Variants in AGMO observed in about 807,000 individuals in gnomAD.
The protein encoded by AGMO is glyceryl-ether monooxygenase.
AGMO carries 75 observed loss-of-function variants against 60.2 expected under a neutral mutation model. That is an observed-to-expected ratio of 1.25 (90% CI 1.03 to 1.51). The LOEUF (loss-of-function observed/expected upper bound fraction) is 1.51. Among genes scored for constraint, AGMO ranks in the 40% most tolerant of loss-of-function variants. The pLI, the probability that AGMO is intolerant of heterozygous loss-of-function variation, is 0.00. For missense variants in AGMO, 763 were observed against 525.5 expected, an observed-to-expected ratio of 1.45 and a Z score of -4.42; for synonymous variants, 261 against 177.1, an observed-to-expected ratio of 1.47 and a Z score of -3.76.
intron 12 of AGMO, among the ~76,000 whole-genome samples, chr7:15,285,115 C>A (rs1458298338): frequency 6.6e-6 from 1 of 151,920 alleles, no homozygotes; most frequent in Non-Finnish European, 1.5e-5. Flanking sequence ...GATCCACAGT[C>A]AATGTCATAC....
At chr7:15,326,159 T>C (rs1563088935) in intron 12 of AGMO, among the ~76,000 whole-genome samples, 1 of 152,106 alleles carries the variant, frequency 6.6e-6, no homozygotes, top group Non-Finnish European at 1.5e-5. Context: ...ATTCTATTTA[T>C]TAAATACATT....
chr7:15,544,279 G>C (rs772216430), intron 3 of AGMO, among the ~76,000 whole-genome samples: 57 of 152,030 alleles, frequency 3.7e-4, no homozygotes, highest in Non-Finnish European at 6.5e-4. Context: ...TACAATGCTC[G>C]GGTGATAGGT....
At chr7:15,532,658 G>C (rs560713787) in intron 3 of AGMO, among the ~76,000 whole-genome samples, 59 of 152,086 alleles carry the variant, frequency 3.9e-4, no homozygotes, top group South Asian at 8.3e-4. Flanking sequence ...AGTTCTTTAG[G>C]ATTTGAAAAA....
intron 5 of AGMO, among the ~76,000 whole-genome samples, 187 bp downstream of exon 5, chr7:15,418,371 C>T (rs1323471064): frequency 6.6e-6 from 1 of 151,902 alleles, no homozygotes; most frequent in African/African-American, 2.4e-5. Context: ...GACCAACTGG[C>T]CTCATTGCTT....
intron 1 of AGMO, 108 bp from the exon 2 acceptor site, chr7:15,560,379 T>C: frequency 1.7e-6 from 2 of 1,191,478 alleles, no homozygotes; most frequent in Non-Finnish European, 2.3e-6. Flanking sequence ...TGGGAAGCCC[T>C]GCAGGAGATG....
chr7:15,180,969 T>A, the AGMO span, among the ~76,000 whole-genome samples: 1 of 152,100 alleles, frequency 6.6e-6, no homozygotes. Context: ...TAGATAAAAC[T>A]GGGATGAATT....
chr7:15,395,170 T>C (rs573126459), intron 5 of AGMO, among the ~76,000 whole-genome samples: 5 of 152,306 alleles, frequency 3.3e-5, no homozygotes, highest in East Asian at 1.9e-4. Flanking sequence ...TACACTGTTA[T>C]GATATTTTAA....
chr7:15,388,312 G>A (rs562941357), intron 8 of AGMO, among the ~76,000 whole-genome samples: 81 of 152,100 alleles, frequency 5.3e-4, no homozygotes, highest in African/African-American at 1.8e-3. Flanking sequence ...CAAGGTCATC[G>A]CCAAGCTCTA....
chr7:15,441,064 A>G (rs1422940350), intron 3 of AGMO, among the ~76,000 whole-genome samples: 1 of 152,196 alleles, frequency 6.6e-6, no homozygotes, highest in East Asian at 1.9e-4. Flanking sequence ...GATGACATGC[A>G]TAAAGAGCTT....
At chr7:15,369,232 C>T (rs1275431039) in intron 10 of AGMO, among the ~76,000 whole-genome samples, 1 of 152,066 alleles carries the variant, frequency 6.6e-6, no homozygotes, top group Non-Finnish European at 1.5e-5. Flanking sequence ...GGTCTTCCTA[C>T]TTCTAAAATT....
intron 9 of AGMO, 142 bp downstream of exon 9, chr7:15,387,264 A>T (rs563868108): frequency 5.5e-6 from 5 of 907,798 alleles, no homozygotes; most frequent in African/African-American, 5.0e-5. Flanking sequence ...CTCATTAAGT[A>T]AGTTATGCAC....
intron 5 of AGMO, among the ~76,000 whole-genome samples, chr7:15,398,199 G>T (rs1372109579): frequency 6.6e-6 from 1 of 152,126 alleles, no homozygotes; most frequent in African/African-American, 2.4e-5. Flanking sequence ...AGGCCCTGGC[G>T]TGTGTGCAGC....
intron 12 of AGMO, among the ~76,000 whole-genome samples, chr7:15,248,437 G>C (rs973983134): frequency 1.3e-5 from 2 of 151,514 alleles, no homozygotes; most frequent in African/African-American, 2.4e-5. Context: ...AGATGGCAAG[G>C]ACTTTCAAAT....
chr7:15,413,896 A>C (rs1179654540), intron 5 of AGMO, among the ~76,000 whole-genome samples: 1 of 152,240 alleles, frequency 6.6e-6, no homozygotes, highest in Admixed American at 6.5e-5. Context: ...GAAGGTAAAC[A>C]TCTGGGCAAA....
At chr7:15,459,943 ATCAT>A (rs1171295192) in intron 3 of AGMO, among the ~76,000 whole-genome samples, 1 of 152,086 alleles carries the variant, frequency 6.6e-6, no homozygotes, top group Non-Finnish European at 1.5e-5. Flanking sequence ...ATTAAGAATT[ATCAT>A]TCATTGATAA....
intron 3 of AGMO, among the ~76,000 whole-genome samples, chr7:15,473,991 C>T (rs979371303): frequency 1.3e-5 from 2 of 152,078 alleles, no homozygotes; most frequent in Admixed American, 1.3e-4. Context: ...ATACAATCTA[C>T]AAGGGATGTG....
intron 2 of AGMO, among the ~76,000 whole-genome samples, chr7:15,556,803 T>C (rs1785155564): frequency 6.6e-6 from 1 of 152,096 alleles, no homozygotes; most frequent in East Asian, 1.9e-4. Flanking sequence ...GAAACGCAGA[T>C]TATCTGCATG....
At chr7:15,540,615 G>T (rs576718621) in intron 3 of AGMO, among the ~76,000 whole-genome samples, 1 of 152,240 alleles carries the variant, frequency 6.6e-6, no homozygotes, top group African/African-American at 2.4e-5. Context: ...GAATAGATTT[G>T]GATAAGAGAG....
intron 3 of AGMO, among the ~76,000 whole-genome samples, chr7:15,492,953 T>A (rs1783107923): frequency 6.6e-6 from 1 of 152,126 alleles, no homozygotes; most frequent in African/African-American, 2.4e-5. Context: ...TCGTCTCTTA[T>A]GATGGGACAT....
Sources: allele counts gnomAD v4.1 joint callset (sites outside exome capture counted in the v4.1 genomes callset), GRCh38; gene constraint gnomAD v4.1.1; transcripts MANE v1.5; gene names NCBI Gene and HGNC (gene_info 2026-07-23, HGNC 2026-07-21).